Variants in NPAS3 observed in about 807,000 individuals in gnomAD.
NPAS3 encodes neuronal PAS domain protein 3.
In NPAS3, 14 loss-of-function variants were observed where a neutral mutation model predicts 73.1. The ratio of observed to expected loss-of-function variants is 0.19; its 90% confidence interval spans 0.13 to 0.30. NPAS3 has a LOEUF of 0.30. Ranked by LOEUF, NPAS3 falls within the 10% of genes least tolerant of loss-of-function variation. NPAS3 has a pLI of 1.00. For synonymous variants in NPAS3, 620 were observed against 541.5 expected (o/e 1.14, Z -2.01); for missense variants, 1,096 against 1,250.0 (o/e 0.88, Z 1.86).
At chr14:33,550,984 C>G (rs560780802) in intron 4 of NPAS3, among the ~76,000 whole-genome samples, 3 of 152,294 alleles carry the variant, frequency 2.0e-5, no homozygotes, top group Admixed American at 2.0e-4. Context: ...ATATTTATAG[C>G]TGTATGTGGT....
At position 33,389,047 on chromosome 14, in the gene NPAS3, T is replaced by TA. The variant is rs59298626; in HGVS notation, c.468+21783dup. ...AGACTCTCAAGCTTTACAGAGGCAA[T>TA]AAAAGGCACTGTTCCTACAGAAGGC... On this transcript the variant is annotated intron_variant, in intron 4 of 11. Transcript: ENST00000356141. 9.6e-3 allele frequency among the ~76,000 whole-genome samples: 1,458 copies of TA among 152,268 alleles called. 20 individuals carry two copies. Among genetic ancestry groups the TA allele is most frequent in the African/African-American group, 0.033 (1,391 of 41,546 alleles).
At chr14:33,719,396 C>T (rs2061044134) in intron 6 of NPAS3, among the ~76,000 whole-genome samples, 1 of 152,152 alleles carries the variant, frequency 6.6e-6, no homozygotes, top group East Asian at 1.9e-4. Context: ...CAACTACAAC[C>T]ATGAAAGCTT....
At chr14:33,069,720 T>C (rs1244654258) in intron 2 of NPAS3, among the ~76,000 whole-genome samples, 1 of 152,232 alleles carries the variant, frequency 6.6e-6, no homozygotes, top group East Asian at 1.9e-4. Context: ...TGGAAGTGCA[T>C]ACTAAGTACT....
intron 4 of NPAS3, among the ~76,000 whole-genome samples, chr14:33,410,630 G>C (rs1365939935): frequency 6.6e-6 from 1 of 152,090 alleles, no homozygotes; most frequent in African/African-American, 2.4e-5. Flanking sequence ...GCTACATTTT[G>C]GCTCAAGAAT....
At chr14:32,990,137 T>G (rs1420046427) in intron 1 of NPAS3, among the ~76,000 whole-genome samples, 1 of 152,206 alleles carries the variant, frequency 6.6e-6, no homozygotes, top group African/African-American at 2.4e-5. Flanking sequence ...ATGAGTCCTA[T>G]TTTGGATGCT....
chr14:33,243,728 T>C (rs1484739306), intron 3 of NPAS3, among the ~76,000 whole-genome samples: 4 of 151,290 alleles, frequency 2.6e-5, no homozygotes, highest in Non-Finnish European at 5.9e-5. Flanking sequence ...TAGAGCACCA[T>C]GGCAGTTCAT....
At chr14:33,206,558 G>A (rs1272890429) in intron 2 of NPAS3, among the ~76,000 whole-genome samples, 1 of 152,090 alleles carries the variant, frequency 6.6e-6, no homozygotes, top group Non-Finnish European at 1.5e-5. Context: ...ATCTAGTGTA[G>A]GCTACTACCT....
intron 3 of NPAS3, among the ~76,000 whole-genome samples, chr14:33,250,689 G>A (rs2048550179): frequency 6.6e-6 from 1 of 152,026 alleles, no homozygotes; most frequent in African/African-American, 2.4e-5. Context: ...GCTTGATTGT[G>A]GTTATGAATG....
intron 5 of NPAS3, among the ~76,000 whole-genome samples, chr14:33,607,229 G>GT (rs1222809249): frequency 1.3e-5 from 2 of 152,202 alleles, no homozygotes; most frequent in African/African-American, 4.8e-5. Context: ...AATGTTCACA[G>GT]TAGCTTTGTT....
At chr14:33,718,671 C>T (rs1288497377) in intron 6 of NPAS3, among the ~76,000 whole-genome samples, 1 of 152,174 alleles carries the variant, frequency 6.6e-6, no homozygotes, top group East Asian at 1.9e-4. Flanking sequence ...AAGCGCTCAA[C>T]AAATGTTTCC....
chr14:33,366,930 C>T (rs955275701), intron 3 of NPAS3, among the ~76,000 whole-genome samples: 1 of 145,596 alleles, frequency 6.9e-6, no homozygotes, highest in Non-Finnish European at 1.5e-5. Context: ...GTAGGGAAAG[C>T]CATCCAAAAG....
chr14:33,244,523 A>AAC (rs1266900007), intron 3 of NPAS3, among the ~76,000 whole-genome samples: 2 of 152,016 alleles, frequency 1.3e-5, no homozygotes, highest in African/African-American at 4.8e-5. Context: ...TAAAAAAAAA[A>AAC]AACATATTTA....
rs10083459 is a variant in NPAS3, at chr14:33,469,717, A to G, written c.469-90404A>G. 9.1e-3 allele frequency among the ~76,000 whole-genome samples: 1,388 copies of G among 152,178 alleles called. 22 individuals are homozygous for G. Among genetic ancestry groups the G allele is most frequent in the African/African-American group, 0.032 (1,320 of 41,504 alleles). ...TGCAGTATTTTCATTCCTGTTCTGA[A>G]CACTCTCTTCTTAATTTGACTGTTT... On this transcript the variant is annotated intron_variant, in intron 4 of 11. Coordinates refer to ENST00000356141, the Ensembl canonical transcript of NPAS3.
intron 5 of NPAS3, among the ~76,000 whole-genome samples, chr14:33,654,016 G>A (rs968934107): frequency 2.6e-5 from 4 of 152,190 alleles, no homozygotes; most frequent in Non-Finnish European, 5.9e-5. Flanking sequence ...GATAAAGGCA[G>A]TCTTATAAGA....
intron 4 of NPAS3, among the ~76,000 whole-genome samples, chr14:33,547,314 G>T (rs1417743048): frequency 6.6e-6 from 1 of 152,106 alleles, no homozygotes; most frequent in Non-Finnish European, 1.5e-5. Context: ...TGTTGGGAAG[G>T]GTCAAGGCTA....
chr14:33,285,964 C>G (rs139860764), intron 3 of NPAS3, among the ~76,000 whole-genome samples: 71 of 152,294 alleles, frequency 4.7e-4, no homozygotes, highest in African/African-American at 1.6e-3. Context: ...CCAACCTATC[C>G]TACCCTTAAC....
intron 2 of NPAS3, among the ~76,000 whole-genome samples, chr14:33,062,301 GAA>G (rs34914631): frequency 2.7e-5 from 4 of 146,678 alleles, no homozygotes; most frequent in South Asian, 2.1e-4. Context: ...AAAAAAAAAA[GAA>G]AAAAAAAAAG....
chr14:33,220,194 C>A (rs2047373405), intron 3 of NPAS3, among the ~76,000 whole-genome samples: 1 of 152,184 alleles, frequency 6.6e-6, no homozygotes, highest in Admixed American at 6.5e-5. Flanking sequence ...TCAGTTCTTG[C>A]TTGACTCCTC....
chr14:33,330,272 C>A (rs750503354), intron 3 of NPAS3, among the ~76,000 whole-genome samples: 12 of 152,122 alleles, frequency 7.9e-5, no homozygotes, highest in Admixed American at 5.2e-4. Flanking sequence ...ACAACAACAA[C>A]AAAAAACACT....
Sources: gnomAD v4.1 joint callset for allele counts (sites outside exome capture counted in the v4.1 genomes callset) on GRCh38, gnomAD v4.1.1 for gene constraint, MANE v1.5 for transcripts, NCBI Gene and HGNC (gene_info 2026-07-23, HGNC 2026-07-21) for gene names.